Variants in NRG3 observed in about 807,000 individuals in gnomAD.
NRG3 encodes the protein neuregulin 3.
Under a neutral mutation model 66.9 loss-of-function variants are expected in NRG3, and 31 were observed. The observed-to-expected ratio is 0.46, with a 90% CI of 0.35 to 0.63. The LOEUF is 0.63. Among genes scored for constraint, NRG3 ranks in the 20% least tolerant of loss-of-function variants. The probability of loss-of-function intolerance (pLI) is 0.00; values close to 1 mark genes in which losing one functional copy is unlikely to be tolerated. For missense variants in NRG3, 910 were observed against 878.9 expected, an observed-to-expected ratio of 1.04 and a Z score of -0.45; for synonymous variants, 393 against 359.4, an observed-to-expected ratio of 1.09 and a Z score of -1.06.
intron 2 of NRG3, among the ~76,000 whole-genome samples, chr10:82,511,958 T>C (rs890402042): frequency 6.6e-6 from 1 of 152,136 alleles, no homozygotes; most frequent in Non-Finnish European, 1.5e-5. Context: ...TCAGAAACTG[T>C]ATTGTTCTTT....
At position 82,648,721 on chromosome 10, in the gene NRG3, C is replaced by A. The variant is rs541416185; in HGVS notation, c.954-89856C>A. On this transcript the variant is annotated intron_variant, in intron 2 of 8. Coordinates refer to ENST00000372141, the MANE Select transcript of NRG3 (RefSeq NM_001010848.4). The stretch of plus-strand genomic sequence containing the variant: ...TAGTTCTCCTTGAAGAGGTCCTTCA[C>A]GTCCCTTGTAAGTTGGATTCCTAGG... Among the ~76,000 whole-genome samples the A allele has an allele frequency of 4.3e-3, 654 of 152,234 alleles. 2 individuals are homozygous for A. In the Middle Eastern group the frequency reaches 0.058, roughly 13 times the overall value.
intron 4 of NRG3, among the ~76,000 whole-genome samples, chr10:82,895,703 G>A (rs1403193120): frequency 6.6e-6 from 1 of 152,014 alleles, no homozygotes; most frequent in Non-Finnish European, 1.5e-5. Context: ...TGTTAGCCAG[G>A]ATGGTCTCGA....
intron 3 of NRG3, among the ~76,000 whole-genome samples, chr10:82,760,045 A>G (rs188190398): frequency 1.1e-4 from 16 of 152,242 alleles, no homozygotes; most frequent in African/African-American, 3.8e-4. Flanking sequence ...CAATTTTATC[A>G]GAGGATTAGG....
intron 1 of NRG3, among the ~76,000 whole-genome samples, chr10:82,274,120 AT>A (rs1249156499): frequency 2.6e-5 from 4 of 152,108 alleles, no homozygotes; most frequent in Admixed American, 6.6e-5. Flanking sequence ...TTTCTCAGAA[AT>A]GTCACTTTTA....
chr10:81,919,427 G>A (rs1490981281), intron 1 of NRG3, among the ~76,000 whole-genome samples: 1 of 152,086 alleles, frequency 6.6e-6, no homozygotes. Context: ...AGTTGTGTCA[G>A]GATTGGTAGC....
At chr10:82,152,987 C>T (rs745438842) in intron 1 of NRG3, among the ~76,000 whole-genome samples, 28 of 151,712 alleles carry the variant, frequency 1.8e-4, no homozygotes, top group African/African-American at 3.6e-4. Flanking sequence ...TACACACACG[C>T]GCACACACAC....
intron 6 of NRG3, among the ~76,000 whole-genome samples, chr10:82,959,929 A>G (rs1019295711): frequency 5.3e-5 from 8 of 152,208 alleles, no homozygotes; most frequent in African/African-American, 1.9e-4. Flanking sequence ...TAGGTTAGCA[A>G]TTCTTTGACC....
intron 2 of NRG3, among the ~76,000 whole-genome samples, chr10:82,664,631 T>C (rs2052618345): frequency 6.6e-6 from 1 of 152,162 alleles, no homozygotes; most frequent in Non-Finnish European, 1.5e-5. Context: ...TTGAGGCTTA[T>C]GGATGGAGGG....
At chr10:82,119,276 A>G (rs1381425918) in intron 1 of NRG3, among the ~76,000 whole-genome samples, 1 of 152,116 alleles carries the variant, frequency 6.6e-6, no homozygotes, top group Non-Finnish European at 1.5e-5. Context: ...TAACAACGAC[A>G]ACAATGTCTC....
chr10:82,471,476 C>T (rs1841254984), intron 2 of NRG3, among the ~76,000 whole-genome samples: 1 of 152,214 alleles, frequency 6.6e-6, no homozygotes, highest in African/African-American at 2.4e-5. Flanking sequence ...TGTTCCTCCT[C>T]TGGCCCAGTT....
At chr10:82,886,359 C>T (rs1260263350) in intron 4 of NRG3, among the ~76,000 whole-genome samples, 2 of 152,094 alleles carry the variant, frequency 1.3e-5, no homozygotes, top group Non-Finnish European at 2.9e-5. Context: ...AGCAGTACCT[C>T]GCATATACAT....
intron 2 of NRG3, among the ~76,000 whole-genome samples, chr10:82,392,011 C>A (rs12356627): frequency 0.39 from 27,993 of 72,086 alleles, 4,754 homozygotes; most frequent in African/African-American, 0.59. Flanking sequence ...AAAAAAAAAA[C>A]AAAAAAAAAA....
At chr10:82,499,723 T>G (rs928030825) in intron 2 of NRG3, among the ~76,000 whole-genome samples, 10 of 152,114 alleles carry the variant, frequency 6.6e-5, no homozygotes, top group Admixed American at 5.2e-4. Flanking sequence ...TATTTATTGG[T>G]TAGGTATAAG....
chr10:82,214,938 C>G (rs560603349), intron 1 of NRG3, among the ~76,000 whole-genome samples: 4 of 152,262 alleles, frequency 2.6e-5, no homozygotes, highest in Non-Finnish European at 4.4e-5. Flanking sequence ...TGATCTCATC[C>G]ATCTTACTAA....
At chr10:82,721,193 G>A (rs1470145321) in intron 2 of NRG3, among the ~76,000 whole-genome samples, 11 of 121,326 alleles carry the variant, frequency 9.1e-5, no homozygotes, top group South Asian at 2.9e-4. Context: ...GTGCAGTAGC[G>A]TGATCTCCGC....
chr10:82,855,870 T>G (rs558189578), intron 3 of NRG3, among the ~76,000 whole-genome samples: 1 of 152,282 alleles, frequency 6.6e-6, no homozygotes, highest in African/African-American at 2.4e-5. Flanking sequence ...ATTTAATATT[T>G]TTTCTGATAG....
intron 1 of NRG3, among the ~76,000 whole-genome samples, chr10:82,009,737 TG>T (rs1009809982): frequency 3.3e-5 from 5 of 152,164 alleles, no homozygotes; most frequent in African/African-American, 1.2e-4. Flanking sequence ...TAATGGACAC[TG>T]GCCAAAAGCA....
At chr10:82,390,246 T>C (rs893947174) in intron 2 of NRG3, among the ~76,000 whole-genome samples, 3 of 152,162 alleles carry the variant, frequency 2.0e-5, no homozygotes, top group Admixed American at 2.0e-4. Context: ...CTCTACTTTC[T>C]TTAATGGCAT....
Position 82,696,219 on chromosome 10 carries a change from G to C in NRG3, c.954-42358G>C, listed in dbSNP as rs148726389. 3.3e-5 allele frequency among the ~76,000 whole-genome samples: 5 copies of C among 152,188 alleles called. No individual in the cohort carries two copies. In the East Asian group the frequency reaches 9.7e-4, roughly 29 times the overall value. ...CTCCCAAGAAGGAAAACCAGGCCAT[G>C]GTTTACTTCGCATAATTTAACTGCT... On this transcript the variant is annotated intron_variant, in intron 2 of 8. Coordinates refer to ENST00000372141, the MANE Select transcript of NRG3 (RefSeq NM_001010848.4).
Sources: gnomAD v4.1 joint callset for allele counts (sites outside exome capture counted in the v4.1 genomes callset) on GRCh38, gnomAD v4.1.1 for gene constraint, MANE v1.5 for transcripts, NCBI Gene and HGNC (gene_info 2026-07-23, HGNC 2026-07-21) for gene names.